Variants in GABRA2 observed in about 807,000 individuals in gnomAD.
GABRA2 encodes the protein gamma-aminobutyric acid receptor subunit alpha-2.
Under a neutral mutation model 48.7 loss-of-function variants are expected in GABRA2, and 16 were observed. That is an observed-to-expected ratio of 0.33 (90% CI 0.22 to 0.50). GABRA2 has a LOEUF of 0.50. Ranked by LOEUF, GABRA2 falls within the 20% of genes least tolerant of loss-of-function variation. The pLI is 0.98. For missense variants in GABRA2, 275 were observed against 535.6 expected (o/e 0.51, Z 4.80); for synonymous variants, 185 against 184.5 (o/e 1.00, Z -0.02).
At chr4:46,349,590 T>A (rs1200730210) in intron 3 of GABRA2, among the ~76,000 whole-genome samples, 2 of 151,944 alleles carry the variant, frequency 1.3e-5, no homozygotes, top group Admixed American at 1.3e-4. Flanking sequence ...TTTTCAACAA[T>A]CCAATATTTT....
At chr4:46,308,421 T>C (rs759277888) in intron 6 of GABRA2, among the ~76,000 whole-genome samples, 1 of 152,108 alleles carries the variant, frequency 6.6e-6, no homozygotes, top group Admixed American at 6.6e-5. Context: ...AAGGAAGGAA[T>C]AAATGAGTAG....
At chr4:46,305,319 C>T (rs145870110) in intron 7 of GABRA2, among the ~76,000 whole-genome samples, 107 of 150,876 alleles carry the variant, frequency 7.1e-4, no homozygotes, top group Middle Eastern at 6.8e-3. Flanking sequence ...TATTAAATGA[C>T]GAGTTGATGT....
At chr4:46,351,297 C>G (rs1209761798) in intron 3 of GABRA2, among the ~76,000 whole-genome samples, 1 of 151,848 alleles carries the variant, frequency 6.6e-6, no homozygotes, top group Non-Finnish European at 1.5e-5. Context: ...AAGAAATTCA[C>G]TAGACGGGAG....
intron 3 of GABRA2, among the ~76,000 whole-genome samples, chr4:46,379,056 AT>A (rs1465143586): frequency 6.6e-6 from 1 of 152,182 alleles, no homozygotes; most frequent in Non-Finnish European, 1.5e-5. Flanking sequence ...CACCCTAACT[AT>A]TTCCTAAGAA....
intron 3 of GABRA2, among the ~76,000 whole-genome samples, chr4:46,385,359 C>T (rs893712757): frequency 3.3e-5 from 5 of 151,702 alleles, no homozygotes; most frequent in African/African-American, 1.2e-4. Flanking sequence ...TAAAATTTAA[C>T]ATATTAGCCA....
chr4:46,262,956 A>G (rs77422926), intron 8 of GABRA2, among the ~76,000 whole-genome samples: 14 of 30,982 alleles, frequency 4.5e-4, no homozygotes, highest in East Asian at 1.8e-3. Flanking sequence ...GAAAGAAAGA[A>G]AGAGAGAGAG....
chr4:46,269,849 T>G (rs1385626598), intron 8 of GABRA2, among the ~76,000 whole-genome samples: 1 of 151,964 alleles, frequency 6.6e-6, no homozygotes, highest in East Asian at 1.9e-4. Flanking sequence ...TTGTATTATA[T>G]TCTTTTTCTG....
intron 3 of GABRA2, among the ~76,000 whole-genome samples, chr4:46,362,370 G>A (rs1464275260): frequency 6.6e-6 from 1 of 152,092 alleles, no homozygotes; most frequent in Non-Finnish European, 1.5e-5. Context: ...CTTCCACTAT[G>A]ATTACAAGGC....
chr4:46,312,267 A>T (rs1727773769), intron 5 of GABRA2, among the ~76,000 whole-genome samples: 1 of 152,200 alleles, frequency 6.6e-6, no homozygotes, highest in Non-Finnish European at 1.5e-5. Context: ...AATTCATAAT[A>T]ATAAAAGCAA....
intron 4 of GABRA2, among the ~76,000 whole-genome samples, chr4:46,318,552 G>A (rs79388306): frequency 1.4e-3 from 219 of 151,654 alleles, no homozygotes; most frequent in African/African-American, 4.9e-3. Context: ...CTTGAAAAGT[G>A]CATTTAAAAT....
chr4:46,335,628 G>A (rs985674767), intron 3 of GABRA2, among the ~76,000 whole-genome samples: 5 of 151,986 alleles, frequency 3.3e-5, no homozygotes, highest in East Asian at 3.9e-4. Flanking sequence ...CGCACACCAC[G>A]TCCAGCTAGT....
At chr4:46,322,044 A>G (rs1296804917) in intron 4 of GABRA2, among the ~76,000 whole-genome samples, 1 of 152,040 alleles carries the variant, frequency 6.6e-6, no homozygotes, top group East Asian at 1.9e-4. Flanking sequence ...AGAACTACCA[A>G]TAGAACCAGT....
At chr4:46,317,743 A>G (rs2109729714) in intron 4 of GABRA2, among the ~76,000 whole-genome samples, 2 of 151,802 alleles carry the variant, frequency 1.3e-5, no homozygotes, top group East Asian at 3.9e-4. Flanking sequence ...GCCCTACATG[A>G]GCCAGGTAAA....
intron 8 of GABRA2, among the ~76,000 whole-genome samples, chr4:46,283,538 G>A (rs556656243): frequency 2.6e-5 from 4 of 152,150 alleles, no homozygotes; most frequent in South Asian, 2.1e-4. Context: ...ATAAAAAGTC[G>A]AAATGAATCA....
At position 46,263,912 on chromosome 4, in the gene GABRA2, TTCTCTCTCTCTCTC is replaced by T. The variant is rs3068324; in HGVS notation, c.857-1798_857-1785del. Reference sequence around the variant, plus strand: ...ACAGGATATATTTCCATTAGATCAATTCTCTCTCTCTCTCTCTCTCTCTCTCTCTCTCTCTCTAT... The same window carrying T: ...ACAGGATATATTTCCATTAGATCAATTCTCTCTCTCTCTCTCTCTCTCTAT... On this transcript the variant is annotated intron_variant, in intron 8 of 9. Coordinates refer to ENST00000381620, the MANE Select transcript of GABRA2 (RefSeq NM_000807.4). 3.2e-4 allele frequency among the ~76,000 whole-genome samples: 46 copies of T among 145,084 alleles called. No individual in the cohort carries two copies. In the South Asian group the frequency reaches 8.0e-3, roughly 25 times the overall value.
intron 3 of GABRA2, among the ~76,000 whole-genome samples, chr4:46,344,112 C>A (rs1578119199): frequency 6.6e-6 from 1 of 151,642 alleles, no homozygotes; most frequent in South Asian, 2.1e-4. Context: ...GGAATACACA[C>A]CAAGAAATAA....
At chr4:46,350,923 G>C (rs531742977) in intron 3 of GABRA2, among the ~76,000 whole-genome samples, 7 of 152,046 alleles carry the variant, frequency 4.6e-5, no homozygotes, top group Admixed American at 1.3e-4. Context: ...TAGGAGGTAA[G>C]AGATAGGGGG....
rs6816084 is a variant in GABRA2, at chr4:46,383,394, A to T, written c.187+2680T>A. Reference sequence around the variant, plus strand: ...TCAACATACCACCTCAACATTCCTAACTAAAAGGTCAGCCAGATATGGGTA... The same window carrying T: ...TCAACATACCACCTCAACATTCCTATCTAAAAGGTCAGCCAGATATGGGTA... On this transcript the variant is annotated intron_variant, in intron 3 of 9. Transcript: ENST00000381620. Among the ~76,000 whole-genome samples the T allele has an allele frequency of 4.3e-3, 652 of 152,282 alleles. 5 individuals carry two copies. Among genetic ancestry groups the T allele is most frequent in the African/African-American group, 0.015 (616 of 41,544 alleles).
At chr4:46,303,398 A>G in intron 8 of GABRA2, 62 bp downstream of exon 8, 1 of 1,456,342 alleles carries the variant, frequency 6.9e-7, no homozygotes, top group South Asian at 1.1e-5. Flanking sequence ...AAGAGAGATA[A>G]TGTTTTTGAA....
Sources: allele counts gnomAD v4.1 joint callset (sites outside exome capture counted in the v4.1 genomes callset), GRCh38; gene constraint gnomAD v4.1.1; transcripts MANE v1.5; gene names NCBI Gene and HGNC (gene_info 2026-07-23, HGNC 2026-07-21).